The following SHC4 variants were observed in gnomAD, a reference collection of about 807,000 sequenced individuals.
The protein encoded by SHC4 is SHC-transforming protein 4.
In SHC4, 41 loss-of-function variants were observed where a neutral mutation model predicts 69.4. The observed-to-expected ratio is 0.59, with a 90% CI of 0.46 to 0.77. SHC4 has a LOEUF of 0.77. Among genes scored for constraint, SHC4 ranks in the 30% least tolerant of loss-of-function variants. SHC4 has a pLI of 0.00. For missense variants in SHC4, 777 were observed against 783.8 expected (o/e 0.99, Z 0.10); for synonymous variants, 318 against 299.3 (o/e 1.06, Z -0.64).
Position 48,874,655 on chromosome 15 carries a change from T to G in SHC4, c.841-2513A>C, listed in dbSNP as rs80092097. 4.1e-3 allele frequency among the ~76,000 whole-genome samples: 625 copies of G among 152,004 alleles called. 2 individuals are homozygous for G. The highest frequency in any genetic ancestry group is 0.012 in the Admixed American group (177 of 15,252). ...AGGTGGTGACGCTAGTGCTGGGGAG[T>G]GGCTGCAAATACAGATTAACAATAG... On this transcript the variant is annotated intron_variant, in intron 4 of 11. Transcript: ENST00000332408.
At chr15:48,948,314 C>A (rs1296824196) in intron 1 of SHC4, among the ~76,000 whole-genome samples, 3 of 152,188 alleles carry the variant, frequency 2.0e-5, no homozygotes, top group African/African-American at 7.2e-5. Context: ...AGCTATACAA[C>A]AAAGCATTTA....
At chr15:48,851,603 A>G (rs1318104252) in intron 8 of SHC4, among the ~76,000 whole-genome samples, 1 of 152,238 alleles carries the variant, frequency 6.6e-6, no homozygotes, top group African/African-American at 2.4e-5. Context: ...TTGGCCATGT[A>G]GCCAACCTCT....
At position 48,843,531 on chromosome 15, in the gene SHC4, G is replaced by A. The variant is rs192668089; in HGVS notation, c.1361C>T (p.Thr454Met). 5.6e-5 allele frequency: 91 copies of A among 1,614,166 alleles called. No individual in the cohort carries two copies. The highest frequency in any genetic ancestry group is 3.3e-4 in the Middle Eastern group (2 of 6,058). Reference sequence around the variant, plus strand: ...GTCATCAAAGAGATCCACTCGGCACGTGTGCTTCAATAATGAGGTATCTCG... The same window carrying A: ...GTCATCAAAGAGATCCACTCGGCACATGTGCTTCAATAATGAGGTATCTCG... ...SQRDTSLLKH[T>M]CRVDLFDDPC... The change falls in exon 10 of 12, where the codon ACG (threonine) becomes ATG (methionine). Residue 454 changes from threonine to methionine, a missense_variant. Coordinates refer to ENST00000332408, the MANE Select transcript of SHC4 (RefSeq NM_203349.4).
At chr15:48,918,126 A>C (rs554531444) in intron 2 of SHC4, among the ~76,000 whole-genome samples, 1 of 152,344 alleles carries the variant, frequency 6.6e-6, no homozygotes, top group South Asian at 2.1e-4. Context: ...ATGATCACAC[A>C]AAATACAGTT....
chr15:48,940,050 G>A (rs948796802), intron 1 of SHC4, among the ~76,000 whole-genome samples: 3 of 152,358 alleles, frequency 2.0e-5, no homozygotes, highest in Admixed American at 1.3e-4. Context: ...ATGCTGACAA[G>A]GTTGCTCTAG....
At chr15:48,884,121 C>T in intron 4 of SHC4, 127 bp downstream of exon 4, 1 of 1,022,176 alleles carries the variant, frequency 9.8e-7, no homozygotes, top group Non-Finnish European at 1.3e-6. Context: ...AAATCTTCAG[C>T]AGATTTTTCC....
chr15:48,872,045 G>C, intron 5 of SHC4, 44 bp downstream of exon 5: 1 of 1,264,496 alleles, frequency 7.9e-7, no homozygotes, highest in African/African-American at 1.5e-5. Context: ...ATGTCAAGAA[G>C]TTATTTTAAC....
rs564257429 is a variant in SHC4, at chr15:48,878,473, C to T, written c.840+5775G>A. 1.1e-4 allele frequency: 172 copies of T among 1,613,764 alleles called. 1 individual carries two copies. In the East Asian group the frequency reaches 3.1e-3, roughly 29 times the overall value. On this transcript the variant is annotated intron_variant, in intron 4 of 11. Transcript: ENST00000332408. ...CAGACTTCGAGAGCGAGGACGAGGGCGAGGAATTTGATGACTGGGAGGACG... is the reference window on the plus strand; with the variant it reads ...CAGACTTCGAGAGCGAGGACGAGGGTGAGGAATTTGATGACTGGGAGGACG...
At chr15:48,922,006 T>C (rs1469384875) in intron 2 of SHC4, among the ~76,000 whole-genome samples, 1 of 152,212 alleles carries the variant, frequency 6.6e-6, no homozygotes, top group Non-Finnish European at 1.5e-5. Context: ...ATTTTCTCTT[T>C]CATACTTTTC....
chr15:48,895,293 A>C (rs981191887), intron 2 of SHC4, among the ~76,000 whole-genome samples: 9 of 152,168 alleles, frequency 5.9e-5, no homozygotes, highest in South Asian at 4.1e-4. Context: ...AGAGAGACAG[A>C]ATGCAAATCC....
intron 1 of SHC4, among the ~76,000 whole-genome samples, chr15:48,952,141 G>A (rs1901375218): frequency 6.6e-6 from 1 of 152,182 alleles, no homozygotes; most frequent in Non-Finnish European, 1.5e-5. Context: ...CTTTCAAGGA[G>A]CCAGGATTGG....
intron 2 of SHC4, among the ~76,000 whole-genome samples, chr15:48,910,700 A>G (rs1051589237): frequency 6.6e-6 from 1 of 152,090 alleles, no homozygotes; most frequent in Non-Finnish European, 1.5e-5. Context: ...GTAGACATTT[A>G]TGGCTATGAA....
chr15:48,833,678 C>G (rs193288581), intron 11 of SHC4, among the ~76,000 whole-genome samples: 10 of 152,248 alleles, frequency 6.6e-5, no homozygotes, highest in Non-Finnish European at 1.0e-4. Flanking sequence ...AGACAGAAAC[C>G]AGTCCCTCAG....
intron 3 of SHC4, among the ~76,000 whole-genome samples, chr15:48,886,693 A>G (rs1392635427): frequency 6.6e-6 from 1 of 152,356 alleles, no homozygotes; most frequent in Non-Finnish European, 1.5e-5. Context: ...TTAATAATAA[A>G]GTATATGGAA....
At chr15:48,855,655 A>G (rs2140982497) in intron 8 of SHC4, among the ~76,000 whole-genome samples, 1 of 152,240 alleles carries the variant, frequency 6.6e-6, no homozygotes, top group African/African-American at 2.4e-5. Flanking sequence ...AAGGAAGAGA[A>G]GCAAGGAGAA....
At chr15:48,837,433 C>T (rs1031575689) in intron 10 of SHC4, among the ~76,000 whole-genome samples, 1 of 152,092 alleles carries the variant, frequency 6.6e-6, no homozygotes, top group African/African-American at 2.4e-5. Flanking sequence ...AATTAATCAC[C>T]TATGGTCTCA....
intron 1 of SHC4, among the ~76,000 whole-genome samples, chr15:48,931,620 C>A (rs1172770639): frequency 1.3e-5 from 2 of 152,112 alleles, no homozygotes; most frequent in African/African-American, 4.8e-5. Flanking sequence ...ACACTACCCC[C>A]AGCATTTACT....
At chr15:48,897,177 T>C (rs960140868) in intron 2 of SHC4, among the ~76,000 whole-genome samples, 4 of 152,096 alleles carry the variant, frequency 2.6e-5, no homozygotes, top group Non-Finnish European at 5.9e-5. Flanking sequence ...AAGATTTCCA[T>C]CCTGGGAGCC....
rs1284700606 is a variant in SHC4 at position 48,825,617 on chromosome 15, T to C, written c.*354A>G. On this transcript the variant is annotated 3_prime_UTR_variant, in exon 12 of 12. Transcript: ENST00000332408. ...GAAAATGTCCCCCAAATTATCAAGT[T>C]GAAAGGCACATACCACTGCCCCAGC... 1.1e-5 allele frequency: 2 copies of C among 174,678 alleles called. No individual in the cohort carries two copies. Among genetic ancestry groups the C allele is most frequent in the Admixed American group, 6.0e-5 (1 of 16,784 alleles). The allele number at this position is 174,678 out of a possible 1,614,324, so 10.8% of individuals were successfully genotyped here. A position where few individuals can be genotyped will look rare whatever the true frequency, so the allele number is the denominator to read the frequency against.
Sources: allele counts gnomAD v4.1 joint callset (sites outside exome capture counted in the v4.1 genomes callset), GRCh38; gene constraint gnomAD v4.1.1; transcripts MANE v1.5; gene names NCBI Gene and HGNC (gene_info 2026-07-23, HGNC 2026-07-21).